Variants in HGF observed in about 807,000 individuals in gnomAD.
HGF encodes fibroblast-derived tumor cytotoxic factor.
Under a neutral mutation model 111.6 loss-of-function variants are expected in HGF, and 39 were observed. The observed-to-expected ratio is 0.35, with a 90% CI of 0.27 to 0.46. The LOEUF (loss-of-function observed/expected upper bound fraction) is 0.46, where lower values mean the gene tolerates loss of function less well. Among genes scored for constraint, HGF ranks in the 20% least tolerant of loss-of-function variants. The pLI, the probability that HGF is intolerant of heterozygous loss-of-function variation, is 1.00. For missense variants in HGF, 735 were observed against 910.5 expected (o/e 0.81, Z 2.48); for synonymous variants, 285 against 294.8 (o/e 0.97, Z 0.34).
chr7:81,722,827 A>AG (rs1194687560), intron 9 of HGF, among the ~76,000 whole-genome samples: 9 of 149,074 alleles, frequency 6.0e-5, no homozygotes, highest in Non-Finnish European at 1.3e-4. Context: ...AAAAAAAAAA[A>AG]AAAAGAAATT....
At position 81,707,343 on chromosome 7, in the gene HGF, T is replaced by A. The variant is rs764035851; in HGVS notation, c.1563A>T (p.Gly521=). ...GAACCCAACTCTCCTTTATCAATGA[T>A]CCTCCGCAGATATGTTTATTTCTGT... is the stretch of plus-strand genomic sequence containing the variant. ...LRYRNKHICG[G]SLIKESWVLT... Residue 521 remains glycine, a synonymous_variant, in exon 14 of 18, where the codon GGA becomes GGT. Transcript: ENST00000222390. 5.0e-6 allele frequency: 8 copies of A among 1,597,862 alleles called. No homozygotes were observed. The highest frequency in any genetic ancestry group is 1.1e-5 in the South Asian group (1 of 90,708).
intron 3 of HGF, among the ~76,000 whole-genome samples, chr7:81,757,507 T>C (rs918513592): frequency 2.0e-5 from 3 of 152,184 alleles, no homozygotes; most frequent in Non-Finnish European, 2.9e-5. Context: ...TTGAGAAGTT[T>C]TAATTTTGTG....
chr7:81,734,802 C>T (rs1026564356), intron 7 of HGF, among the ~76,000 whole-genome samples: 8 of 152,042 alleles, frequency 5.3e-5, no homozygotes, highest in African/African-American at 1.7e-4. Flanking sequence ...TAAGTAAATG[C>T]TTACATCTAC....
rs1387223819 is a variant in HGF, at chr7:81,700,216, T to C, written c.*2365A>G. ...TCAGCAAAGAACACCTGGTAAATAG[T>C]GTCTTCCACCAGCAAATAATGACAT... On this transcript the variant is annotated 3_prime_UTR_variant, in exon 18 of 18. Transcript: ENST00000222390. 1 of 151,668 alleles carries C rather than the reference T, an allele frequency of 6.6e-6. No individual in the cohort carries two copies. Among genetic ancestry groups the C allele is most frequent in the East Asian group, 1.9e-4 (1 of 5,176 alleles). The allele number at this position is 151,668 out of a possible 1,614,324, so 9.4% of individuals were successfully genotyped here. A position where few individuals can be genotyped will look rare whatever the true frequency, so the allele number is the denominator to read the frequency against.
chr7:81,734,807 A>G (rs1331960766), intron 7 of HGF, among the ~76,000 whole-genome samples: 1 of 152,050 alleles, frequency 6.6e-6, no homozygotes, highest in Admixed American at 6.6e-5. Context: ...AAATGCTTAC[A>G]TCTACGGTTT....
intron 7 of HGF, among the ~76,000 whole-genome samples, chr7:81,731,666 ATTAAC>A (rs1787660546): frequency 6.6e-6 from 1 of 152,178 alleles, no homozygotes; most frequent in South Asian, 2.1e-4. Context: ...GACTATTTGA[ATTAAC>A]TGTTAAATGA....
intron 7 of HGF, among the ~76,000 whole-genome samples, chr7:81,731,271 G>A (rs1787643818): frequency 6.6e-6 from 1 of 152,118 alleles, no homozygotes; most frequent in Non-Finnish European, 1.5e-5. Flanking sequence ...TAACTTTATT[G>A]CAGCCCATTT....
intron 1 of HGF, among the ~76,000 whole-genome samples, chr7:81,766,255 G>A (rs1199410314): frequency 6.6e-6 from 1 of 152,108 alleles, no homozygotes; most frequent in African/African-American, 2.4e-5. Flanking sequence ...GGAAAATCAT[G>A]CAAGGAAAGG....
At chr7:81,737,323 C>G (rs943755187) in intron 7 of HGF, among the ~76,000 whole-genome samples, 3 of 152,010 alleles carry the variant, frequency 2.0e-5, no homozygotes, top group Non-Finnish European at 4.4e-5. Flanking sequence ...AGGCGAGTTT[C>G]TGGTGCCGAG....
At chr7:81,727,399 T>G (rs909464994) in intron 8 of HGF, among the ~76,000 whole-genome samples, 34 of 152,192 alleles carry the variant, frequency 2.2e-4, no homozygotes, top group East Asian at 9.6e-4. Context: ...TCAATAAGTA[T>G]TAGTCTTATC....
At chr7:81,706,881 A>C (rs1442814605) in intron 14 of HGF, among the ~76,000 whole-genome samples, 1 of 151,900 alleles carries the variant, frequency 6.6e-6, no homozygotes, top group Non-Finnish European at 1.5e-5. Context: ...CCTTAGGCTA[A>C]TTTTCATTGA....
chr7:81,766,122 G>A (rs997204372), intron 1 of HGF, among the ~76,000 whole-genome samples: 5 of 152,150 alleles, frequency 3.3e-5, no homozygotes, highest in Admixed American at 6.6e-5. Flanking sequence ...AGAAAGTAGG[G>A]TCAAATGTAT....
chr7:81,705,599 T>C (rs1789402785), intron 16 of HGF, 48 bp downstream of exon 16: 2 of 1,600,520 alleles, frequency 1.2e-6, no homozygotes, highest in Middle Eastern at 1.7e-4. Context: ...AAATGTGTTC[T>C]TTTTAAAATA....
At chr7:81,741,595 G>A (rs1448131065) in intron 7 of HGF, among the ~76,000 whole-genome samples, 2 of 151,572 alleles carry the variant, frequency 1.3e-5, no homozygotes, top group Non-Finnish European at 1.5e-5. Flanking sequence ...GTGTGTGTGT[G>A]TGTGTGTGTG....
chr7:81,739,991 T>C (rs1191307087), intron 7 of HGF, among the ~76,000 whole-genome samples: 5 of 152,198 alleles, frequency 3.3e-5, no homozygotes, highest in Non-Finnish European at 7.3e-5. Flanking sequence ...ATCAATCATG[T>C]ACCTTGTCTT....
At chr7:81,708,462 T>C (rs1201661448) in intron 13 of HGF, among the ~76,000 whole-genome samples, 2 of 145,432 alleles carry the variant, frequency 1.4e-5, no homozygotes, top group African/African-American at 5.0e-5. Context: ...GGTTATAAGA[T>C]AAGCAAAGAA....
chr7:81,768,383 TTTC>T lies in HGF; in HGVS notation c.88+1498_88+1500del, dbSNP rs1250165756. ...CCAGCAGTCATCTGTGAAGCATTTT[TTTC>T]TTCTTCTTCTTGAGATGGAGTCTTG... On this transcript the variant is annotated intron_variant, in intron 1 of 17. Transcript: ENST00000222390. 2.6e-5 allele frequency among the ~76,000 whole-genome samples: 4 copies of T among 151,938 alleles called. No individual in the cohort carries two copies. In the East Asian group the frequency reaches 7.7e-4, roughly 29 times the overall value.
Position 81,699,285 on chromosome 7 carries a change from A to C in HGF, c.*3296T>G, listed in dbSNP as rs1789220397. On this transcript the variant is annotated 3_prime_UTR_variant, in exon 18 of 18. Coordinates refer to ENST00000222390, the MANE Select transcript of HGF (RefSeq NM_000601.6). ...AACCTACTTAAAAGTTACACTGTCA[A>C]GATATATATGGTCCAAAAAATTTTA... 1 of 151,582 alleles carries C rather than the reference A, an allele frequency of 6.6e-6. No homozygotes were observed. The allele number at this position is 151,582 out of a possible 1,614,324, so 9.4% of individuals were successfully genotyped here.
At chr7:81,755,995 CT>C (rs974543140) in intron 4 of HGF, 1 of 701,506 alleles carries the variant, frequency 1.4e-6, no homozygotes, top group African/African-American at 1.7e-5. Flanking sequence ...GAAGAATCAT[CT>C]TGCAGAATTG....
Sources: allele counts gnomAD v4.1 joint callset (sites outside exome capture counted in the v4.1 genomes callset), GRCh38; gene constraint gnomAD v4.1.1; transcripts MANE v1.5; gene names NCBI Gene and HGNC (gene_info 2026-07-23, HGNC 2026-07-21).